The following RBBP4 variants were observed in gnomAD, a reference collection of about 807,000 sequenced individuals.
The protein encoded by RBBP4 is RB binding protein 4, chromatin remodeling factor, also known as histone-binding protein RBBP4.
In RBBP4, 3 loss-of-function variants were observed where a neutral mutation model predicts 57.2. The observed-to-expected ratio is 0.05, with a 90% CI of 0.02 to 0.14. RBBP4 has a LOEUF of 0.14. Ranked by LOEUF, RBBP4 falls within the 10% of genes least tolerant of loss-of-function variation. The probability of loss-of-function intolerance (pLI) is 1.00; values close to 1 mark genes in which losing one functional copy is unlikely to be tolerated. For missense variants in RBBP4, 107 were observed against 520.6 expected (o/e 0.21, Z 7.73); for synonymous variants, 151 against 171.5 (o/e 0.88, Z 0.93).
At chr1:32,654,913 T>A (rs560440586) in intron 2 of RBBP4, among the ~76,000 whole-genome samples, 3 of 152,170 alleles carry the variant, frequency 2.0e-5, no homozygotes, top group Admixed American at 2.0e-4. Context: ...CAGGCTGGTC[T>A]TGAACTCCTG....
In RBBP4 at chr1:32,682,761, A is replaced by ACT. The variant is rs5773380; in HGVS notation, c.*3057_*3058dup. On this transcript the variant is annotated 3_prime_UTR_variant, in exon 12 of 12. Transcript: ENST00000373493. ...ACTCCAGCCTGGGTGGCAGAGCGAG[A>ACT]CTGTCTCAAAAAAAAAAGAAAGTTG... 0.97 allele frequency: 147,887 copies of ACT among 151,990 alleles called. 72,078 individuals carry two copies. Among genetic ancestry groups the ACT allele is most frequent in the East Asian group, 1 (5,140 of 5,140 alleles). 9.4% of individuals were successfully genotyped at this position (151,990 alleles called of 1,614,324 possible).
chr1:32,676,712 A>C (rs2148532607), intron 11 of RBBP4, among the ~76,000 whole-genome samples: 1 of 152,256 alleles, frequency 6.6e-6, no homozygotes, highest in East Asian at 1.9e-4. Context: ...ATTTTTTTAC[A>C]AAAAAGATGT....
rs147388487 is a variant in RBBP4, at chr1:32,663,465, G to A, written c.311-4760G>A. Reference sequence around the variant, plus strand: ...ACTATATATGTATTTTTTCAGACAGGGTCTTACTCTGTTGCCCAGGCTGGA... The same window carrying A: ...ACTATATATGTATTTTTTCAGACAGAGTCTTACTCTGTTGCCCAGGCTGGA... On this transcript the variant is annotated intron_variant, in intron 3 of 11. Transcript: ENST00000373493. Among the ~76,000 whole-genome samples the A allele has an allele frequency of 6.4e-4, 98 of 152,082 alleles. 1 individual carries two copies. Among genetic ancestry groups the A allele is most frequent in the Admixed American group, 2.1e-3 (32 of 15,270 alleles).
chr1:32,685,359 T>G lies in RBBP4; in HGVS notation c.*5654T>G, dbSNP rs1649752373. The G allele has an allele frequency of 6.6e-6, 1 of 152,186 alleles. No homozygotes were observed. The highest frequency in any genetic ancestry group is 2.4e-5 in the African/African-American group (1 of 41,446). 9.4% of individuals were successfully genotyped at this position (152,186 alleles called of 1,614,324 possible). A position where few individuals can be genotyped will look rare whatever the true frequency, so the allele number is the denominator to read the frequency against. Reference sequence around the variant, plus strand: ...GATGTCAGCAAGTCAGTCTCTGGTTTACCTGCTAGCTGGCATGGATCCTTA... The same window carrying G: ...GATGTCAGCAAGTCAGTCTCTGGTTGACCTGCTAGCTGGCATGGATCCTTA... On this transcript the variant is annotated 3_prime_UTR_variant, in exon 12 of 12. Transcript: ENST00000373493.
Position 32,683,084 on chromosome 1 carries a change from C to T in RBBP4, c.*3379C>T, listed in dbSNP as rs1030179902. ...GGATCACAAGGTCAGGAGATGAGACCATCTTAGCCAACATGGTGAAACCCC... is the reference window on the plus strand; with the variant it reads ...GGATCACAAGGTCAGGAGATGAGACTATCTTAGCCAACATGGTGAAACCCC... On this transcript the variant is annotated 3_prime_UTR_variant, in exon 12 of 12. Coordinates refer to ENST00000373493, the MANE Select transcript of RBBP4 (RefSeq NM_005610.3). 2.6e-5 allele frequency: 4 copies of T among 151,872 alleles called. No homozygotes were observed. The highest frequency in any genetic ancestry group is 9.7e-5 in the African/African-American group (4 of 41,352). The allele number at this position is 151,872 out of a possible 1,614,324, so 9.4% of individuals were successfully genotyped here. A position where few individuals can be genotyped will look rare whatever the true frequency, so the allele number is the denominator to read the frequency against.
rs548704484 is a variant in RBBP4, at chr1:32,673,401, T to G, written c.1212+500T>G. ...GTCTAGATTTCAAAAATGTTCCCTA[T>G]CTCTATCTCAAAGAATGTGAACACC... On this transcript the variant is annotated intron_variant, in intron 11 of 11. Transcript: ENST00000373493. The G allele has an allele frequency of 1.8e-5, 7 of 394,388 alleles. No individual in the cohort carries two copies. The East Asian group carries it at 4.8e-4, about 27-fold the overall frequency. The allele number at this position is 394,388 out of a possible 1,614,324, so 24.4% of individuals were successfully genotyped here.
At chr1:32,665,073 A>G (rs1490474431) in intron 3 of RBBP4, among the ~76,000 whole-genome samples, 5 of 151,802 alleles carry the variant, frequency 3.3e-5, no homozygotes, top group South Asian at 2.1e-4. Flanking sequence ...GTAACCTTCA[A>G]TTGGGGAAAA....
intron 2 of RBBP4, among the ~76,000 whole-genome samples, chr1:32,652,855 C>G (rs1647932217): frequency 6.6e-6 from 1 of 152,186 alleles, no homozygotes; most frequent in Non-Finnish European, 1.5e-5. Flanking sequence ...CTCAACAAAA[C>G]TTAATTTGAA....
intron 3 of RBBP4, among the ~76,000 whole-genome samples, chr1:32,659,345 G>C (rs1038726446): frequency 5.3e-5 from 8 of 151,840 alleles, no homozygotes; most frequent in Admixed American, 1.3e-4. Context: ...TGGATCACTT[G>C]AGGTCAGGAG....
intron 3 of RBBP4, among the ~76,000 whole-genome samples, chr1:32,664,696 C>T (rs189592661): frequency 6.6e-6 from 1 of 152,152 alleles, no homozygotes; most frequent in East Asian, 1.9e-4. Context: ...TGTGATCCAC[C>T]CGTCTCGGCC....
intron 2 of RBBP4, 185 bp downstream of exon 2, chr1:32,652,246 G>C (rs989727782): frequency 1.3e-5 from 9 of 667,066 alleles, no homozygotes; most frequent in African/African-American, 1.3e-4. Flanking sequence ...CCTGACAAGA[G>C]AAAACATATT....
intron 11 of RBBP4, among the ~76,000 whole-genome samples, chr1:32,675,445 C>G (rs1451332934): frequency 1.3e-5 from 2 of 151,734 alleles, no homozygotes; most frequent in Non-Finnish European, 2.9e-5. Flanking sequence ...AATACCATCA[C>G]AACATTCATA....
Position 32,684,425 on chromosome 1 carries a change from A to G in RBBP4, c.*4720A>G, listed in dbSNP as rs773880856. The G allele has an allele frequency of 6.2e-7, 1 of 1,613,006 alleles. No individual in the cohort carries two copies. The highest frequency in any genetic ancestry group is 8.5e-7 in the Non-Finnish European group (1 of 1,179,460). The stretch of plus-strand genomic sequence containing the variant: ...GAACATTTCTAATGAGCCAAACAAT[A>G]AAAACTCACATTGTCCACTCTTACT... On this transcript the variant is annotated 3_prime_UTR_variant, in exon 12 of 12. Transcript: ENST00000373493.
At chr1:32,655,467 T>C (rs1402549830) in intron 2 of RBBP4, among the ~76,000 whole-genome samples, 3 of 152,240 alleles carry the variant, frequency 2.0e-5, no homozygotes, top group Non-Finnish European at 4.4e-5. Flanking sequence ...TGTCTAACCT[T>C]CTACATACAG....
At chr1:32,677,407 C>T (rs1212160092) in intron 11 of RBBP4, among the ~76,000 whole-genome samples, 1 of 151,928 alleles carries the variant, frequency 6.6e-6, no homozygotes, top group Non-Finnish European at 1.5e-5. Flanking sequence ...GGAAACTCTG[C>T]AGCCCCTCCC....
chr1:32,661,660 C>T (rs1036795553), intron 3 of RBBP4, among the ~76,000 whole-genome samples: 4 of 151,904 alleles, frequency 2.6e-5, no homozygotes, highest in Non-Finnish European at 4.4e-5. Flanking sequence ...TTTGCATTCC[C>T]ACCAGCAGTG....
chr1:32,674,750 C>G (rs1251630570), intron 11 of RBBP4, among the ~76,000 whole-genome samples: 1 of 147,744 alleles, frequency 6.8e-6, no homozygotes, highest in African/African-American at 2.5e-5. Flanking sequence ...TTTTCTGAGA[C>G]AGAGTCTCAC....
chr1:32,680,488 T>C lies in RBBP4; in HGVS notation c.*783T>C, dbSNP rs1649367988. On this transcript the variant is annotated 3_prime_UTR_variant, in exon 12 of 12. Coordinates refer to ENST00000373493, the MANE Select transcript of RBBP4 (RefSeq NM_005610.3). ...AATAACTTGTATTTGTTTTAAAAAT[T>C]AAATTAATCCTTGATAAGAGTTGCT... The C allele has an allele frequency of 6.5e-7, 1 of 1,539,724 alleles. No homozygotes were observed. Among genetic ancestry groups the C allele is most frequent in the Non-Finnish European group, 8.8e-7 (1 of 1,142,588 alleles).
chr1:32,657,655 A>C, intron 3 of RBBP4, 83 bp downstream of exon 3: 12 of 1,457,040 alleles, frequency 8.2e-6, no homozygotes, highest in Non-Finnish European at 1.1e-5. Flanking sequence ...CTCTGACTTT[A>C]GAAACAATAT....
Sources: gnomAD v4.1 joint callset for allele counts (sites outside exome capture counted in the v4.1 genomes callset) on GRCh38, gnomAD v4.1.1 for gene constraint, MANE v1.5 for transcripts, NCBI Gene and HGNC (gene_info 2026-07-23, HGNC 2026-07-21) for gene names.